Variants in GPHN observed in about 807,000 individuals in gnomAD.
GPHN encodes gephyrin.
Under a neutral mutation model 95.5 loss-of-function variants are expected in GPHN, and 17 were observed. That is an observed-to-expected ratio of 0.18 (90% CI 0.12 to 0.27). The LOEUF (loss-of-function observed/expected upper bound fraction) is 0.27, where lower values mean the gene tolerates loss of function less well. Ranked by LOEUF, GPHN falls within the 10% of genes least tolerant of loss-of-function variation. The pLI, the probability that GPHN is intolerant of heterozygous loss-of-function variation, is 1.00. For missense variants in GPHN, 660 were observed against 978.1 expected, an observed-to-expected ratio of 0.67 and a Z score of 4.34; for synonymous variants, 320 against 322.5, an observed-to-expected ratio of 0.99 and a Z score of 0.08.
chr14:67,668,159 C>T, the GPHN span, among the ~76,000 whole-genome samples: 1 of 152,004 alleles, frequency 6.6e-6, no homozygotes, highest in African/African-American at 2.4e-5. Flanking sequence ...CACGTTAAGA[C>T]ATATGGAGAG....
At chr14:66,663,389 A>G (rs915726442) in intron 1 of GPHN, among the ~76,000 whole-genome samples, 5 of 152,176 alleles carry the variant, frequency 3.3e-5, no homozygotes, top group Admixed American at 6.5e-5. Flanking sequence ...CTTCATAAGC[A>G]AAGGAGAAAT....
chr14:66,526,719 A>T (rs903170229), intron 1 of GPHN, among the ~76,000 whole-genome samples: 2 of 152,190 alleles, frequency 1.3e-5, no homozygotes, highest in African/African-American at 4.8e-5. Flanking sequence ...CCTTTTCTGC[A>T]TCTACTGAGA....
intron 1 of GPHN, among the ~76,000 whole-genome samples, chr14:66,538,458 T>C (rs1285223580): frequency 6.6e-6 from 1 of 152,108 alleles, no homozygotes; most frequent in Non-Finnish European, 1.5e-5. Context: ...TTATTCTGTC[T>C]TTTCTCTCTG....
At chr14:66,913,168 A>G (rs1305756510) in intron 5 of GPHN, among the ~76,000 whole-genome samples, 1 of 152,190 alleles carries the variant, frequency 6.6e-6, no homozygotes, top group Non-Finnish European at 1.5e-5. Flanking sequence ...TCTGTCAGAC[A>G]GCAACATCTT....
At chr14:66,590,079 G>A (rs1760233237) in intron 1 of GPHN, among the ~76,000 whole-genome samples, 1 of 152,124 alleles carries the variant, frequency 6.6e-6, no homozygotes, top group Admixed American at 6.5e-5. Flanking sequence ...AATGACTACT[G>A]GGTAAATAAC....
the GPHN span, among the ~76,000 whole-genome samples, chr14:67,641,834 GTACT>G: frequency 1.3e-5 from 2 of 152,090 alleles, no homozygotes; most frequent in Non-Finnish European, 2.9e-5. Flanking sequence ...TAAATTAATA[GTACT>G]TAATTTCCTT....
intron 2 of GPHN, among the ~76,000 whole-genome samples, chr14:66,756,304 T>C (rs1405373662): frequency 6.6e-6 from 1 of 152,166 alleles, no homozygotes; most frequent in African/African-American, 2.4e-5. Context: ...TGCCCTAACA[T>C]ATTTTTTTAA....
chr14:67,185,915 C>A (rs1595525972), downstream of GPHN, among the ~76,000 whole-genome samples: 1 of 152,112 alleles, frequency 6.6e-6, no homozygotes. Context: ...AACTGTATGT[C>A]TTGTATTCCA....
At chr14:67,165,476 A>C (rs535121462) in intron 20 of GPHN, among the ~76,000 whole-genome samples, 4 of 111,548 alleles carry the variant, frequency 3.6e-5, no homozygotes, top group Non-Finnish European at 6.4e-5. Flanking sequence ...AATCCTATCA[A>C]AGCACATTCC....
chr14:67,248,496 A>G, the GPHN span, among the ~76,000 whole-genome samples: 1 of 152,228 alleles, frequency 6.6e-6, no homozygotes, highest in African/African-American at 2.4e-5. Flanking sequence ...ATGATATAAC[A>G]TTATAAAAAT....
chr14:66,728,072 G>A (rs972075759), intron 2 of GPHN, among the ~76,000 whole-genome samples: 1 of 152,142 alleles, frequency 6.6e-6, no homozygotes, highest in African/African-American at 2.4e-5. Flanking sequence ...CAGGGGCCAA[G>A]GTAAAGCTTG....
rs114577325 is a variant in GPHN, at chr14:67,088,828, C to T, written c.1145-155C>T. On this transcript the variant is annotated intron_variant, in intron 11 of 22. Coordinates refer to ENST00000478722, the MANE Select transcript of GPHN (RefSeq NM_020806.5). ...TTATTTCAGGCACCAGAATGCATCT[C>T]TTCTATCTCCTGTTTCTTGGGACAG... Among the ~76,000 whole-genome samples the T allele has an allele frequency of 5.4e-3, 822 of 152,316 alleles. 8 individuals are homozygous for T. The highest frequency in any genetic ancestry group is 0.019 in the African/African-American group (779 of 41,576).
chr14:67,112,118 C>T lies in GPHN; in HGVS notation c.1472+199C>T, dbSNP rs554528554. The stretch of plus-strand genomic sequence containing the variant: ...TACTTTTTAATGAAGATGGTAAAGG[C>T]GAGTTAGTCAAAAGCAAGATGAGAA... On this transcript the variant is annotated intron_variant, in intron 15 of 22. Coordinates refer to ENST00000478722, the MANE Select transcript of GPHN (RefSeq NM_020806.5). Among the ~76,000 whole-genome samples the T allele has an allele frequency of 3.9e-5, 6 of 152,138 alleles. No individual in the cohort carries two copies. In the East Asian group the frequency reaches 7.7e-4, roughly 20 times the overall value.
intron 17 of GPHN, among the ~76,000 whole-genome samples, chr14:67,130,284 A>G (rs765192760): frequency 6.6e-5 from 10 of 151,992 alleles, no homozygotes; most frequent in South Asian, 2.1e-4. Flanking sequence ...TCCCTCCTCT[A>G]GTAGTTCCCA....
At chr14:66,864,772 C>CA (rs79443126) in intron 4 of GPHN, among the ~76,000 whole-genome samples, 20,300 of 144,690 alleles carry the variant, frequency 0.14, 2,570 homozygotes, top group East Asian at 0.44. Flanking sequence ...GACTCTGTCT[C>CA]AAAAAAAAAA....
At chr14:66,570,702 C>T (rs541095693) in intron 1 of GPHN, among the ~76,000 whole-genome samples, 1 of 152,242 alleles carries the variant, frequency 6.6e-6, no homozygotes, top group Non-Finnish European at 1.5e-5. Flanking sequence ...TACTGTTTTC[C>T]ATTGTGGCTG....
chr14:67,724,483 G>C, the GPHN span: 3 of 1,604,092 alleles, frequency 1.9e-6, no homozygotes, highest in Non-Finnish European at 2.6e-6. Flanking sequence ...GAAGTTCTTT[G>C]CTGGTGGAGT....
chr14:67,315,126 C>T, the GPHN span, among the ~76,000 whole-genome samples: 11 of 152,168 alleles, frequency 7.2e-5, no homozygotes, highest in African/African-American at 2.6e-4. Context: ...TCATTAATTT[C>T]TGCCTCTATT....
the GPHN span, among the ~76,000 whole-genome samples, chr14:67,213,785 T>C: frequency 6.6e-6 from 1 of 152,214 alleles, no homozygotes. Flanking sequence ...CCACCAATAG[T>C]GTAAAAGTGT....
Sources: allele counts gnomAD v4.1 joint callset (sites outside exome capture counted in the v4.1 genomes callset), GRCh38; gene constraint gnomAD v4.1.1; transcripts MANE v1.5; gene names NCBI Gene and HGNC (gene_info 2026-07-23, HGNC 2026-07-21).